The following SLC24A3 variants were observed in gnomAD, a reference collection of about 807,000 sequenced individuals.
SLC24A3 encodes solute carrier family 24 member 3, also known as sodium/potassium/calcium exchanger 3.
SLC24A3 carries 28 observed loss-of-function variants against 75.8 expected under a neutral mutation model. The observed-to-expected ratio is 0.37, with a 90% CI of 0.27 to 0.51. SLC24A3 has a LOEUF of 0.51. SLC24A3 is among the 20% of genes least tolerant of loss of function. SLC24A3 has a pLI of 0.94. For missense variants in SLC24A3, 663 were observed against 847.8 expected, an observed-to-expected ratio of 0.78 and a Z score of 2.71; for synonymous variants, 372 against 334.1, an observed-to-expected ratio of 1.11 and a Z score of -1.24.
rs548184964 is a variant in SLC24A3, at chr20:19,716,156, C to T, written c.1720-1372C>T. The stretch of plus-strand genomic sequence containing the variant: ...AGATCCTGCATTTCTAACAAGTTCC[C>T]GAGAGCTGCTGCCGCTGCTGGCCCC... On this transcript the variant is annotated intron_variant, in intron 15 of 16. Coordinates refer to ENST00000328041, the MANE Select transcript of SLC24A3 (RefSeq NM_020689.4). Among the ~76,000 whole-genome samples the T allele has an allele frequency of 1.9e-4, 29 of 152,278 alleles. No individual in the cohort carries two copies. The South Asian group carries it at 2.9e-3, about 15-fold the overall frequency.
chr20:19,651,371 T>TTATATATATATA (rs201410584), intron 6 of SLC24A3, among the ~76,000 whole-genome samples: 1 of 105,928 alleles, frequency 9.4e-6, no homozygotes, highest in African/African-American at 2.7e-5. Context: ...CTGGTTTTTA[T>TTATATATATATA]TATATATATA....
intron 2 of SLC24A3, among the ~76,000 whole-genome samples, chr20:19,444,715 T>C (rs192723266): frequency 6.6e-6 from 1 of 152,312 alleles, no homozygotes; most frequent in East Asian, 1.9e-4. Flanking sequence ...CTTTTATTTT[T>C]CTTTTTACCT....
intron 2 of SLC24A3, among the ~76,000 whole-genome samples, chr20:19,362,837 C>G (rs888774190): frequency 6.6e-6 from 1 of 152,048 alleles, no homozygotes; most frequent in Non-Finnish European, 1.5e-5. Flanking sequence ...GGTCTCGGGG[C>G]AAAAATAAGG....
chr20:19,389,517 T>G (rs1215946715), intron 2 of SLC24A3, among the ~76,000 whole-genome samples: 1 of 152,270 alleles, frequency 6.6e-6, no homozygotes, highest in South Asian at 2.1e-4. Context: ...GTTTTGTTTT[T>G]TTTTTCTTCT....
At chr20:19,655,621 G>A (rs1288186474) in intron 7 of SLC24A3, among the ~76,000 whole-genome samples, 1 of 152,178 alleles carries the variant, frequency 6.6e-6, no homozygotes, top group African/African-American at 2.4e-5. Context: ...CACGGTGAAT[G>A]AGCATGATTC....
chr20:19,557,327 G>A (rs2030803969), intron 3 of SLC24A3, among the ~76,000 whole-genome samples: 1 of 152,136 alleles, frequency 6.6e-6, no homozygotes, highest in Non-Finnish European at 1.5e-5. Flanking sequence ...AGTCAATTAT[G>A]CACAACTCTT....
chr20:19,607,886 C>G (rs1337953989), intron 6 of SLC24A3, among the ~76,000 whole-genome samples: 1 of 152,226 alleles, frequency 6.6e-6, no homozygotes, highest in Non-Finnish European at 1.5e-5. Context: ...CCCAGTAGCC[C>G]TTTCTCATGT....
intron 2 of SLC24A3, among the ~76,000 whole-genome samples, chr20:19,361,793 A>G (rs1359258513): frequency 1.3e-5 from 2 of 152,200 alleles, no homozygotes; most frequent in African/African-American, 4.8e-5. Context: ...AAAAACAAGT[A>G]TTTTACAATG....
At chr20:19,300,438 A>G (rs887000688) in intron 2 of SLC24A3, among the ~76,000 whole-genome samples, 1 of 152,194 alleles carries the variant, frequency 6.6e-6, no homozygotes, top group Non-Finnish European at 1.5e-5. Flanking sequence ...CTCAGTCACC[A>G]CCTGACTGCA....
intron 3 of SLC24A3, among the ~76,000 whole-genome samples, chr20:19,548,963 C>T (rs2122596461): frequency 6.6e-6 from 1 of 152,352 alleles, no homozygotes; most frequent in East Asian, 1.9e-4. Context: ...AGGGTTAGCT[C>T]TTTCCATAGA....
rs551191024 is a variant in SLC24A3 at position 19,397,042 on chromosome 20, G to A, written c.271+115955G>A. Among the ~76,000 whole-genome samples, 10 of 152,270 alleles carry A rather than the reference G, an allele frequency of 6.6e-5. No homozygotes were observed. In the South Asian group the frequency reaches 1.2e-3, roughly 19 times the overall value. On this transcript the variant is annotated intron_variant, in intron 2 of 16. Transcript: ENST00000328041. ...GTGATCTTTAACACTGCTAAATATT[G>A]GAGGTAGCAAACACATAAGCATACA...
At chr20:19,350,932 C>A (rs1164615799) in intron 2 of SLC24A3, among the ~76,000 whole-genome samples, 6 of 152,164 alleles carry the variant, frequency 3.9e-5, no homozygotes, top group African/African-American at 1.2e-4. Flanking sequence ...CAGTTTAATT[C>A]TCAATATGGA....
chr20:19,618,380 T>A (rs2122672121), intron 6 of SLC24A3, among the ~76,000 whole-genome samples: 1 of 152,338 alleles, frequency 6.6e-6, no homozygotes, highest in African/African-American at 2.4e-5. Context: ...ACCTTGCAGG[T>A]GCCGTCTTCC....
At chr20:19,472,145 G>A (rs1248809645) in intron 2 of SLC24A3, among the ~76,000 whole-genome samples, 1 of 152,224 alleles carries the variant, frequency 6.6e-6, no homozygotes, top group African/African-American at 2.4e-5. Flanking sequence ...CTTGGTGAAC[G>A]CTGTGAAGTG....
intron 3 of SLC24A3, among the ~76,000 whole-genome samples, chr20:19,544,658 G>T (rs1178677026): frequency 6.6e-6 from 1 of 152,028 alleles, no homozygotes; most frequent in Non-Finnish European, 1.5e-5. Flanking sequence ...AATCTGTTAT[G>T]CATCTGATAA....
intron 3 of SLC24A3, among the ~76,000 whole-genome samples, chr20:19,577,094 G>T (rs555767657): frequency 6.6e-6 from 1 of 150,416 alleles, no homozygotes; most frequent in Admixed American, 6.6e-5. Context: ...TCACTCTGTC[G>T]CCGAGGCTGG....
chr20:19,354,011 T>C (rs1308405903), intron 2 of SLC24A3, among the ~76,000 whole-genome samples: 1 of 152,198 alleles, frequency 6.6e-6, no homozygotes, highest in Non-Finnish European at 1.5e-5. Flanking sequence ...CATGAATGTT[T>C]ATAGCAATTT....
chr20:19,631,891 GCT>G (rs1339563416), intron 6 of SLC24A3, among the ~76,000 whole-genome samples: 1 of 151,100 alleles, frequency 6.6e-6, no homozygotes, highest in African/African-American at 2.4e-5. Context: ...TGTGAGTCTG[GCT>G]CTGACTCCGC....
At chr20:19,238,789 C>A (rs556621034) in intron 1 of SLC24A3, among the ~76,000 whole-genome samples, 1 of 152,152 alleles carries the variant, frequency 6.6e-6, no homozygotes, top group African/African-American at 2.4e-5. Flanking sequence ...CAAGACACAC[C>A]GAAGACACAC....
Sources: allele counts gnomAD v4.1 joint callset (sites outside exome capture counted in the v4.1 genomes callset), GRCh38; gene constraint gnomAD v4.1.1; transcripts MANE v1.5; gene names NCBI Gene and HGNC (gene_info 2026-07-23, HGNC 2026-07-21).